The following LRRC4C variants were observed in gnomAD, a reference collection of about 807,000 sequenced individuals.
LRRC4C encodes leucine rich repeat containing 4C.
A neutral mutation model predicts 33.6 loss-of-function variants in LRRC4C; 5 were observed. The observed-to-expected ratio is 0.15, with a 90% CI of 0.08 to 0.31. The LOEUF (loss-of-function observed/expected upper bound fraction) is 0.31, where lower values mean the gene tolerates loss of function less well. Ranked by LOEUF, LRRC4C falls within the 10% of genes least tolerant of loss-of-function variation. The pLI, the probability that LRRC4C is intolerant of heterozygous loss-of-function variation, is 1.00. For missense variants in LRRC4C, 560 were observed against 796.7 expected, an observed-to-expected ratio of 0.70 and a Z score of 3.58; for synonymous variants, 329 against 302.0, an observed-to-expected ratio of 1.09 and a Z score of -0.93.
chr11:40,905,249 T>A (rs1956368373), intron 2 of LRRC4C, among the ~76,000 whole-genome samples: 1 of 152,096 alleles, frequency 6.6e-6, no homozygotes, highest in Admixed American at 6.5e-5. Flanking sequence ...AAAACATGCA[T>A]TCTTAAAAAG....
intron 3 of LRRC4C, among the ~76,000 whole-genome samples, chr11:40,494,297 A>G (rs947428630): frequency 6.6e-6 from 1 of 152,162 alleles, no homozygotes; most frequent in Non-Finnish European, 1.5e-5. Context: ...TGTCTTTTAT[A>G]TTATATCCTG....
chr11:40,535,953 T>C (rs1368917692), intron 3 of LRRC4C, among the ~76,000 whole-genome samples: 1 of 152,214 alleles, frequency 6.6e-6, no homozygotes. Flanking sequence ...ACTACCACTC[T>C]GATGAAAATA....
chr11:40,805,422 C>G (rs1274570113), intron 2 of LRRC4C, among the ~76,000 whole-genome samples: 3 of 152,134 alleles, frequency 2.0e-5, no homozygotes, highest in African/African-American at 7.2e-5. Flanking sequence ...TTGTGACAGC[C>G]ATTCATTGTT....
chr11:40,665,142 GC>G (rs1943655428), intron 2 of LRRC4C, among the ~76,000 whole-genome samples: 1 of 151,140 alleles, frequency 6.6e-6, no homozygotes, highest in Non-Finnish European at 1.5e-5. Flanking sequence ...AATAAGCCAT[GC>G]AAAATATATT....
intron 3 of LRRC4C, among the ~76,000 whole-genome samples, chr11:40,510,041 G>A (rs1955232728): frequency 6.6e-6 from 1 of 152,026 alleles, no homozygotes; most frequent in Admixed American, 6.6e-5. Flanking sequence ...TTCAAAAATA[G>A]TGCTTTTCCA....
At chr11:41,030,580 C>T (rs529346103) in intron 1 of LRRC4C, among the ~76,000 whole-genome samples, 8 of 151,836 alleles carry the variant, frequency 5.3e-5, no homozygotes, top group African/African-American at 1.4e-4. Context: ...TTCTTGCCAT[C>T]GAACACCAAC....
chr11:40,642,659 C>A (rs1222226689), intron 3 of LRRC4C, among the ~76,000 whole-genome samples: 1 of 152,174 alleles, frequency 6.6e-6, no homozygotes, highest in Non-Finnish European at 1.5e-5. Flanking sequence ...GCACCTAGAA[C>A]ATTTAACACA....
At chr11:40,473,864 C>T (rs757423980) in intron 3 of LRRC4C, among the ~76,000 whole-genome samples, 36 of 151,788 alleles carry the variant, frequency 2.4e-4, no homozygotes, top group Admixed American at 3.9e-4. Context: ...TGCTACAAAG[C>T]GAATAAAATA....
intron 1 of LRRC4C, among the ~76,000 whole-genome samples, chr11:41,196,952 G>T (rs1946204228): frequency 6.6e-6 from 1 of 152,016 alleles, no homozygotes; most frequent in East Asian, 1.9e-4. Context: ...TTGAAAGGAA[G>T]AAAGACATTA....
chr11:41,314,186 A>G (rs536918965), intron 1 of LRRC4C, among the ~76,000 whole-genome samples: 7 of 152,268 alleles, frequency 4.6e-5, no homozygotes, highest in African/African-American at 1.7e-4. Flanking sequence ...AGGAGAACAA[A>G]TGATGTGGGA....
intron 3 of LRRC4C, among the ~76,000 whole-genome samples, chr11:40,586,878 C>G (rs1402202543): frequency 2.0e-5 from 3 of 152,090 alleles, no homozygotes; most frequent in Non-Finnish European, 4.4e-5. Flanking sequence ...GTTACTGTAG[C>G]CTTGTAGTAT....
At chr11:40,911,496 G>A (rs998427057) in intron 2 of LRRC4C, among the ~76,000 whole-genome samples, 1 of 152,174 alleles carries the variant, frequency 6.6e-6, no homozygotes, top group African/African-American at 2.4e-5. Context: ...CTGACTCTTA[G>A]AAGGAAAACT....
At chr11:40,175,323 A>G (rs1409495138) in intron 5 of LRRC4C, among the ~76,000 whole-genome samples, 1 of 152,236 alleles carries the variant, frequency 6.6e-6, no homozygotes, top group African/African-American at 2.4e-5. Flanking sequence ...ATGCGTGAGC[A>G]TTTGCTTTGC....
chr11:40,424,249 T>C (rs145496864), intron 3 of LRRC4C, among the ~76,000 whole-genome samples: 150 of 152,302 alleles, frequency 9.8e-4, no homozygotes, highest in African/African-American at 2.9e-3. Context: ...TAGTGAAGCG[T>C]GAACTAACAA....
chr11:40,738,495 CA>C (rs1174218451), intron 2 of LRRC4C, among the ~76,000 whole-genome samples: 2 of 151,930 alleles, frequency 1.3e-5, no homozygotes, highest in African/African-American at 4.8e-5. Flanking sequence ...ACTTTATAGC[CA>C]AAGTTTAAAT....
intron 1 of LRRC4C, among the ~76,000 whole-genome samples, chr11:41,273,947 C>A (rs192081085): frequency 6.6e-6 from 1 of 151,958 alleles, no homozygotes; most frequent in African/African-American, 2.4e-5. Flanking sequence ...TAAGGAGAAA[C>A]GGAGTGATGT....
chr11:40,392,929 C>G lies in LRRC4C; in HGVS notation c.-269-73208G>C, dbSNP rs141499557. ...TGGGATAAAGAACCAGGGCTCAGTT[C>G]TTGTCTTGGAGGATCCAGCCATCAG... On this transcript the variant is annotated intron_variant, in intron 3 of 6. Coordinates refer to ENST00000528697, the MANE Select transcript of LRRC4C (RefSeq NM_001258419.2). Among the ~76,000 whole-genome samples, 142 of 152,108 alleles carry G rather than the reference C, an allele frequency of 9.3e-4. 2 individuals carry two copies. The East Asian group carries it at 0.024, about 26-fold the overall frequency.
chr11:40,516,479 A>G (rs1398932395), intron 3 of LRRC4C, among the ~76,000 whole-genome samples: 1 of 152,046 alleles, frequency 6.6e-6, no homozygotes, highest in Non-Finnish European at 1.5e-5. Context: ...GTGCTGTTAG[A>G]TATTTTTAAA....
intron 1 of LRRC4C, among the ~76,000 whole-genome samples, chr11:41,162,720 G>A (rs1944529095): frequency 6.6e-6 from 1 of 152,138 alleles, no homozygotes; most frequent in African/African-American, 2.4e-5. Context: ...ACTGTATCAG[G>A]CACTTTCCAT....
Sources: gnomAD v4.1 joint callset for allele counts (sites outside exome capture counted in the v4.1 genomes callset) on GRCh38, gnomAD v4.1.1 for gene constraint, MANE v1.5 for transcripts, NCBI Gene and HGNC (gene_info 2026-07-23, HGNC 2026-07-21) for gene names.